The following LINGO2 variants were observed in gnomAD, a reference collection of about 807,000 sequenced individuals.
LINGO2 encodes the protein leucine-rich repeat and immunoglobulin-like domain-containing nogo receptor-interacting protein 2.
A neutral mutation model predicts 30.6 loss-of-function variants in LINGO2; 14 were observed. That is an observed-to-expected ratio of 0.46 (90% CI 0.30 to 0.72). The LOEUF (loss-of-function observed/expected upper bound fraction) is 0.72, where lower values mean the gene tolerates loss of function less well. Among genes scored for constraint, LINGO2 ranks in the 30% least tolerant of loss-of-function variants. The pLI is 0.07. For synonymous variants in LINGO2, 317 were observed against 288.5 expected (o/e 1.10, Z -1.00); for missense variants, 729 against 751.7 (o/e 0.97, Z 0.35).
chr9:27,944,507 C>T (rs1345995358), downstream of LINGO2: 2 of 152,018 alleles, frequency 1.3e-5, no homozygotes, highest in Admixed American at 6.6e-5. Flanking sequence ...TGTTGCCTAA[C>T]GAAAATAGAA....
At chr9:28,806,649 A>C in the LINGO2 span, among the ~76,000 whole-genome samples, 1 of 152,174 alleles carries the variant, frequency 6.6e-6, no homozygotes, top group Non-Finnish European at 1.5e-5. Flanking sequence ...ATATCAGAAA[A>C]CATAACCATA....
the LINGO2 span, among the ~76,000 whole-genome samples, chr9:29,043,727 G>T: frequency 2.8e-4 from 42 of 151,960 alleles, no homozygotes; most frequent in Admixed American, 4.6e-4. Context: ...TTTACAGACT[G>T]ACCTCCCTTG....
At chr9:28,654,188 C>G (rs1315600711) in intron 1 of LINGO2, among the ~76,000 whole-genome samples, 1 of 152,080 alleles carries the variant, frequency 6.6e-6, no homozygotes, top group Non-Finnish European at 1.5e-5. Context: ...TAAATTATGT[C>G]TAACATATTT....
the LINGO2 span, among the ~76,000 whole-genome samples, chr9:28,685,821 A>G: frequency 6.6e-6 from 1 of 152,122 alleles, no homozygotes; most frequent in Admixed American, 6.5e-5. Flanking sequence ...GTGAGTCTAG[A>G]CATACGTATT....
chr9:29,105,401 T>G, the LINGO2 span, among the ~76,000 whole-genome samples: 5 of 152,196 alleles, frequency 3.3e-5, no homozygotes, highest in African/African-American at 1.2e-4. Context: ...AGATGAATTT[T>G]TCTACGTAAC....
At chr9:29,020,688 A>C in the LINGO2 span, among the ~76,000 whole-genome samples, 2 of 152,160 alleles carry the variant, frequency 1.3e-5, no homozygotes, top group Non-Finnish European at 2.9e-5. Context: ...GGACGACTGC[A>C]TAGAGAACTA....
At chr9:28,959,584 T>C in the LINGO2 span, among the ~76,000 whole-genome samples, 14 of 62,186 alleles carry the variant, frequency 2.3e-4, no homozygotes, top group East Asian at 4.9e-4. Context: ...TCTCTTTTCT[T>C]TTATCTCTCT....
At chr9:28,137,951 G>A (rs973183439) in intron 4 of LINGO2, among the ~76,000 whole-genome samples, 3 of 152,102 alleles carry the variant, frequency 2.0e-5, no homozygotes, top group African/African-American at 7.2e-5. Context: ...ATTCCTCCAA[G>A]ATACATAGCT....
intron 2 of LINGO2, among the ~76,000 whole-genome samples, chr9:28,415,491 C>T (rs1048847782): frequency 2.0e-5 from 3 of 152,188 alleles, no homozygotes; most frequent in Non-Finnish European, 4.4e-5. Flanking sequence ...GCCCTTCTAA[C>T]TGCTACCTCA....
the LINGO2 span, among the ~76,000 whole-genome samples, chr9:28,884,508 AAG>A: frequency 6.6e-6 from 1 of 152,088 alleles, no homozygotes; most frequent in Non-Finnish European, 1.5e-5. Flanking sequence ...ATTATCTAAA[AAG>A]AGCAAATATT....
In LINGO2 at chr9:28,005,939, C is replaced by A. The variant is rs115246339; in HGVS notation, c.-36+6416G>T. Among the ~76,000 whole-genome samples, 186 of 152,220 alleles carry A rather than the reference C, an allele frequency of 1.2e-3. 1 individual carries two copies. Among genetic ancestry groups the A allele is most frequent in the African/African-American group, 4.4e-3 (181 of 41,550 alleles). ...TAAAGCCATTAATGGATTCAGAGCA[C>A]TGCACTTTCTGTCTATCTTCCTAAA... On this transcript the variant is annotated intron_variant, in intron 5 of 5. Coordinates refer to ENST00000379992, the Ensembl canonical transcript of LINGO2.
the LINGO2 span, among the ~76,000 whole-genome samples, chr9:28,850,568 T>C: frequency 1.3e-5 from 2 of 152,038 alleles, no homozygotes; most frequent in African/African-American, 4.8e-5. Context: ...AAGTAATTTC[T>C]AGAATAAAAC....
At chr9:28,048,694 C>A (rs146239175) in intron 4 of LINGO2, among the ~76,000 whole-genome samples, 1 of 150,396 alleles carries the variant, frequency 6.6e-6, no homozygotes, top group East Asian at 2.0e-4. Context: ...TGCCAAAAGG[C>A]TGAAAATAGC....
At chr9:28,026,113 G>A (rs1338465809) in intron 4 of LINGO2, among the ~76,000 whole-genome samples, 1 of 152,110 alleles carries the variant, frequency 6.6e-6, no homozygotes, top group Non-Finnish European at 1.5e-5. Context: ...TAAAACTCCT[G>A]TTTATGTTTC....
chr9:28,500,638 G>T (rs1413084362), intron 1 of LINGO2, among the ~76,000 whole-genome samples: 3 of 152,042 alleles, frequency 2.0e-5, no homozygotes, highest in Non-Finnish European at 4.4e-5. Flanking sequence ...TTGGAGGCAG[G>T]AAGAGTATAC....
the LINGO2 span, among the ~76,000 whole-genome samples, chr9:29,127,110 A>G: frequency 6.6e-6 from 1 of 152,094 alleles, no homozygotes; most frequent in Non-Finnish European, 1.5e-5. Flanking sequence ...TACATAGGGT[A>G]TAACCAAGTA....
the LINGO2 span, among the ~76,000 whole-genome samples, chr9:29,213,462 C>A: frequency 6.6e-6 from 1 of 152,126 alleles, no homozygotes; most frequent in African/African-American, 2.4e-5. Context: ...TCAGGGGAGG[C>A]AGCGCCGGTG....
chr9:28,007,159 A>G, intron 5 of LINGO2, among the ~76,000 whole-genome samples: 1 of 152,298 alleles, frequency 6.6e-6, no homozygotes, highest in Admixed American at 6.5e-5. Flanking sequence ...AAACAAACTC[A>G]GAGACAGTCA....
At chr9:27,945,986 G>A (rs549719888), downstream of LINGO2, among the ~76,000 whole-genome samples, 25 of 152,082 alleles carry the variant, frequency 1.6e-4, no homozygotes, top group Non-Finnish European at 3.4e-4. Flanking sequence ...TCTATCGGAG[G>A]CCAATTCAAA....
Sources: gnomAD v4.1 joint callset for allele counts (sites outside exome capture counted in the v4.1 genomes callset) on GRCh38, gnomAD v4.1.1 for gene constraint, MANE v1.5 for transcripts, NCBI Gene and HGNC (gene_info 2026-07-23, HGNC 2026-07-21) for gene names.